The following MYH15 variants were observed in gnomAD, a reference collection of about 807,000 sequenced individuals.
The protein encoded by MYH15 is myosin heavy chain 15.
A neutral mutation model predicts 240.5 loss-of-function variants in MYH15; 227 were observed. The ratio of observed to expected loss-of-function variants is 0.94; its 90% CI spans 0.85 to 1.05. The LOEUF (loss-of-function observed/expected upper bound fraction) is 1.05. Among genes scored for constraint, MYH15 ranks in the 50% least tolerant of loss-of-function variants. The pLI is 0.00. For missense variants in MYH15, 2,217 were observed against 2,247.5 expected, an observed-to-expected ratio of 0.99 and a Z score of 0.27; for synonymous variants, 785 against 796.7, an observed-to-expected ratio of 0.99 and a Z score of 0.25.
intron 1 of MYH15, among the ~76,000 whole-genome samples, chr3:108,525,817 T>C (rs2083664940): frequency 6.6e-6 from 1 of 152,130 alleles, no homozygotes; most frequent in Admixed American, 6.6e-5. Flanking sequence ...TTTCAAAATA[T>C]ATTTCACTGA....
intron 21 of MYH15, among the ~76,000 whole-genome samples, chr3:108,452,680 T>C (rs1372339563): frequency 6.6e-6 from 1 of 152,166 alleles, no homozygotes; most frequent in Non-Finnish European, 1.5e-5. Flanking sequence ...CATACTTTTA[T>C]ATAACATATA....
At chr3:108,395,307 C>A (rs1179917585) in intron 35 of MYH15, among the ~76,000 whole-genome samples, 1 of 152,180 alleles carries the variant, frequency 6.6e-6, no homozygotes, top group Non-Finnish European at 1.5e-5. Flanking sequence ...ATTCCAGCAT[C>A]ACTGGTTCTA....
At chr3:108,492,419 G>A (rs960634020) in intron 9 of MYH15, 81 bp downstream of exon 9, 15 of 1,005,052 alleles carry the variant, frequency 1.5e-5, no homozygotes, top group South Asian at 3.3e-5. Flanking sequence ...GAAACTTACC[G>A]AATAACACTT....
rs7611839 is a variant in MYH15, at chr3:108,523,617, C to T, written c.-58+5646G>A. On this transcript the variant is annotated intron_variant, in intron 1 of 41. Coordinates refer to the MYH15 transcript ENST00000273353. Reference sequence around the variant, plus strand: ...GCTTGCCTTTGTCCTCTTGCTACAGCCCATATTAGATCTTGGATTCTCTTA... The same window carrying T: ...GCTTGCCTTTGTCCTCTTGCTACAGTCCATATTAGATCTTGGATTCTCTTA... Among the ~76,000 whole-genome samples, 3 of 151,714 alleles carry T rather than the reference C, an allele frequency of 2.0e-5. No homozygotes were observed. In the South Asian group the frequency reaches 6.2e-4, roughly 32 times the overall value.
At chr3:108,389,835 C>G (rs1320611176) in intron 37 of MYH15, among the ~76,000 whole-genome samples, 1 of 152,108 alleles carries the variant, frequency 6.6e-6, no homozygotes, top group Non-Finnish European at 1.5e-5. Flanking sequence ...CTTTTCCTGC[C>G]TTCTCCTTGA....
upstream of MYH15, among the ~76,000 whole-genome samples, chr3:108,532,233 G>A (rs2083716256): frequency 6.6e-6 from 1 of 151,846 alleles, no homozygotes; most frequent in African/African-American, 2.4e-5. Context: ...GTGTCTGTGA[G>A]GGTGTTTCTG....
At chr3:108,457,393 T>C (rs1162163419) in intron 18 of MYH15, among the ~76,000 whole-genome samples, 1 of 152,176 alleles carries the variant, frequency 6.6e-6, no homozygotes, top group Non-Finnish European at 1.5e-5. Context: ...CATCCCAGAC[T>C]TCATTCTCCC....
At chr3:108,514,589 T>C (rs1012311215), upstream of MYH15, among the ~76,000 whole-genome samples, 1 of 152,108 alleles carries the variant, frequency 6.6e-6, no homozygotes, top group Non-Finnish European at 1.5e-5. Context: ...TCTTGAATTA[T>C]TATGCATTAG....
Position 108,464,777 on chromosome 3 carries a change from A to G in MYH15, c.1592T>C (p.Met531Thr), listed in dbSNP as rs369870197. Reference protein sequence around the residue: ...GILSILEEECMFPKATDLTFK... With the variant: ...GILSILEEECTFPKATDLTFK... ...AGTCAGGTCTGTAGCCTTAGGAAACATACACTCTTCTTCAAGGATGGAAAG... is the reference window on the plus strand; with the variant it reads ...AGTCAGGTCTGTAGCCTTAGGAAACGTACACTCTTCTTCAAGGATGGAAAG... The change falls in exon 15 of 41, where the codon ATG becomes ACG. Residue 531 changes from methionine to threonine, a missense_variant. Transcript: ENST00000693548. 15 of 1,612,694 alleles carry G rather than the reference A, an allele frequency of 9.3e-6. No individual in the cohort carries two copies. The highest frequency in any genetic ancestry group is 2.7e-5 in the African/African-American group (2 of 74,814).
At chr3:108,401,039 G>A (rs1480581107) in intron 33 of MYH15, among the ~76,000 whole-genome samples, 1 of 152,188 alleles carries the variant, frequency 6.6e-6, no homozygotes, top group Non-Finnish European at 1.5e-5. Context: ...CTCACAAGCT[G>A]AGGTTGGTAT....
intron 1 of MYH15, among the ~76,000 whole-genome samples, chr3:108,522,343 A>AT (rs944977914): frequency 5.9e-5 from 9 of 152,008 alleles, no homozygotes; most frequent in Admixed American, 1.3e-4. Context: ...GGAGATTCAA[A>AT]TTTTTCCTAG....
intron 36 of MYH15, 57 bp downstream of exon 36, chr3:108,393,974 G>A: frequency 7.5e-6 from 12 of 1,610,362 alleles, no homozygotes; most frequent in Non-Finnish European, 9.3e-6. Context: ...CTGCCCCTTG[G>A]CCACTGCGCC....
the MYH15 span, among the ~76,000 whole-genome samples, chr3:108,541,204 AAAT>A: frequency 6.6e-6 from 1 of 152,048 alleles, no homozygotes; most frequent in Admixed American, 6.5e-5. Context: ...AGTCTAAAAT[AAAT>A]AATATAGAAA....
chr3:108,485,495 G>C (rs1397420272), intron 10 of MYH15, among the ~76,000 whole-genome samples: 2 of 152,184 alleles, frequency 1.3e-5, no homozygotes, highest in Non-Finnish European at 2.9e-5. Flanking sequence ...CCTCTCTCTT[G>C]TTCCTTCCAG....
chr3:108,485,328 G>C, intron 10 of MYH15, 99 bp from the exon 11 acceptor site: 1 of 1,327,448 alleles, frequency 7.5e-7, no homozygotes. Context: ...TGGGCTGAGG[G>C]GAATGAGACA....
intron 21 of MYH15, among the ~76,000 whole-genome samples, chr3:108,452,648 C>T (rs6762017): frequency 0.049 from 7,425 of 151,872 alleles, 596 homozygotes; most frequent in African/African-American, 0.17. Context: ...ATCTGCATAT[C>T]GAGTAAGTAA....
intron 11 of MYH15, among the ~76,000 whole-genome samples, chr3:108,484,184 T>C (rs2083288539): frequency 6.6e-6 from 1 of 152,208 alleles, no homozygotes; most frequent in African/African-American, 2.4e-5. Flanking sequence ...TTGTAAGGAA[T>C]TTTAATATTA....
At chr3:108,403,496 C>CA (rs1184051058) in intron 33 of MYH15, among the ~76,000 whole-genome samples, 30 of 133,436 alleles carry the variant, frequency 2.2e-4, no homozygotes, top group African/African-American at 7.5e-4. Context: ...TTGTGTTTGG[C>CA]TTTTTTTTTT....
At chr3:108,486,811 C>CA (rs2083309742) in intron 9 of MYH15, among the ~76,000 whole-genome samples, 2 of 151,890 alleles carry the variant, frequency 1.3e-5, no homozygotes, top group African/African-American at 2.4e-5. Context: ...AACAAACAAA[C>CA]AACAACAACA....
Sources: gnomAD v4.1 joint callset for allele counts (sites outside exome capture counted in the v4.1 genomes callset) on GRCh38, gnomAD v4.1.1 for gene constraint, MANE v1.5 for transcripts, NCBI Gene and HGNC (gene_info 2026-07-23, HGNC 2026-07-21) for gene names.